GSE1: variants seen among roughly 807,000 people sequenced by gnomAD.
The protein encoded by GSE1 is Gse1 coiled-coil protein, also known as genetic suppressor element 1.
Under a neutral mutation model 112.6 loss-of-function variants are expected in GSE1, and 32 were observed. The ratio of observed to expected loss-of-function variants is 0.28; its 90% CI spans 0.21 to 0.38. The LOEUF is 0.38. Among genes scored for constraint, GSE1 ranks in the 10% least tolerant of loss-of-function variants. The probability of loss-of-function intolerance (pLI) is 1.00; values close to 1 mark genes in which losing one functional copy is unlikely to be tolerated. For missense variants in GSE1, 2,348 were observed against 1,699.2 expected, an observed-to-expected ratio of 1.38 and a Z score of -6.71; for synonymous variants, 1,115 against 735.6, an observed-to-expected ratio of 1.52 and a Z score of -8.35.
intron 2 of GSE1, among the ~76,000 whole-genome samples, chr16:85,512,464 G>A (rs372654871): frequency 4.4e-4 from 67 of 152,298 alleles, no homozygotes; most frequent in Non-Finnish European, 5.7e-4. Flanking sequence ...TGTGCCATCC[G>A]TCTGCCTGAT....
intron 13 of GSE1, among the ~76,000 whole-genome samples, chr16:85,666,778 C>G (rs1308171180): frequency 6.6e-6 from 1 of 152,262 alleles, no homozygotes; most frequent in African/African-American, 2.4e-5. Flanking sequence ...TAGAGCTTCC[C>G]TTCCTTCATG....
At chr16:85,401,493 C>T (rs1312505266) in intron 2 of GSE1, among the ~76,000 whole-genome samples, 2 of 152,128 alleles carry the variant, frequency 1.3e-5, no homozygotes, top group African/African-American at 4.8e-5. Flanking sequence ...CTTGGGGCAC[C>T]TCCCGCAAAG....
intron 2 of GSE1, among the ~76,000 whole-genome samples, chr16:85,464,779 CA>C (rs1408227336): frequency 6.6e-6 from 1 of 152,192 alleles, no homozygotes; most frequent in Non-Finnish European, 1.5e-5. Flanking sequence ...ACTTTGTTTC[CA>C]AAGGCCAGCT....
At chr16:85,430,440 A>G (rs1270273330) in intron 2 of GSE1, among the ~76,000 whole-genome samples, 2 of 152,204 alleles carry the variant, frequency 1.3e-5, no homozygotes, top group African/African-American at 2.4e-5. Context: ...GTAGGGCCAG[A>G]GCCAACTCCA....
chr16:85,533,700 C>T (rs2044216175), intron 2 of GSE1, among the ~76,000 whole-genome samples: 2 of 151,774 alleles, frequency 1.3e-5, no homozygotes, highest in South Asian at 4.2e-4. Context: ...CCCATCTCTA[C>T]AAAAAATTTT....
intron 2 of GSE1, among the ~76,000 whole-genome samples, chr16:85,501,469 C>T (rs945656324): frequency 1.3e-5 from 2 of 148,726 alleles, no homozygotes; most frequent in African/African-American, 5.0e-5. Context: ...TCATAGCTCA[C>T]TGCAGCTTCA....
chr16:85,622,420 T>C (rs1039318081), intron 1 of GSE1, among the ~76,000 whole-genome samples: 2 of 152,194 alleles, frequency 1.3e-5, no homozygotes, highest in African/African-American at 2.4e-5. Flanking sequence ...GCAGGTCATA[T>C]TGGGGAGGGT....
At chr16:85,510,925 C>A (rs535704768) in intron 2 of GSE1, among the ~76,000 whole-genome samples, 1 of 152,368 alleles carries the variant, frequency 6.6e-6, no homozygotes, top group South Asian at 2.1e-4. Context: ...AAGCAGCCAA[C>A]CTTGACCACT....
intron 3 of GSE1, among the ~76,000 whole-genome samples, chr16:85,649,302 G>T (rs772235838): frequency 1.3e-5 from 2 of 152,200 alleles, no homozygotes; most frequent in Non-Finnish European, 2.9e-5. Flanking sequence ...TGGCAGTCCA[G>T]TTCAAGCTGT....
chr16:85,369,476 C>T (rs1026427786), intron 2 of GSE1, among the ~76,000 whole-genome samples: 1 of 152,214 alleles, frequency 6.6e-6, no homozygotes, highest in African/African-American at 2.4e-5. Flanking sequence ...CAAAGCAGTC[C>T]TCAAGCTTCC....
At chr16:85,225,503 C>T (rs897453217) in intron 1 of GSE1, among the ~76,000 whole-genome samples, 1 of 152,208 alleles carries the variant, frequency 6.6e-6, no homozygotes, top group Non-Finnish European at 1.5e-5. Context: ...TTAGCTCACA[C>T]TCCGTGAGAA....
At chr16:85,287,218 G>C (rs2045058476) in intron 1 of GSE1, among the ~76,000 whole-genome samples, 1 of 152,246 alleles carries the variant, frequency 6.6e-6, no homozygotes, top group Non-Finnish European at 1.5e-5. Flanking sequence ...CCTGGAAACT[G>C]TGCAAGACGT....
intron 2 of GSE1, among the ~76,000 whole-genome samples, chr16:85,513,437 G>T (rs868445408): frequency 3.4e-4 from 51 of 152,202 alleles, no homozygotes; most frequent in African/African-American, 1.2e-3. Context: ...TTGAAACAGT[G>T]CCTAGAAGCA....
intron 1 of GSE1, among the ~76,000 whole-genome samples, chr16:85,345,292 T>A (rs563338300): frequency 6.6e-6 from 1 of 152,264 alleles, no homozygotes; most frequent in Middle Eastern, 3.4e-3. Flanking sequence ...GTAAATAAAG[T>A]TTTATTGGAA....
intron 1 of GSE1, among the ~76,000 whole-genome samples, chr16:85,312,206 G>GGAGT (rs1555559860): frequency 1.4e-5 from 2 of 141,396 alleles, no homozygotes; most frequent in Admixed American, 1.4e-4. Flanking sequence ...TCCTCTTGCG[G>GGAGT]GGGGGGGGGG....
At chr16:85,565,074 T>C (rs60127651) in intron 1 of GSE1, among the ~76,000 whole-genome samples, 9,895 of 151,828 alleles carry the variant, frequency 0.065, 1,039 homozygotes, top group African/African-American at 0.22. Context: ...CTGTTGTCAG[T>C]GAGTGGGAAC....
intron 2 of GSE1, among the ~76,000 whole-genome samples, chr16:85,448,034 G>T (rs528022899): frequency 6.6e-6 from 1 of 152,176 alleles, no homozygotes; most frequent in Non-Finnish European, 1.5e-5. Flanking sequence ...GGAAGGAAGC[G>T]TAGGGCACCT....
chr16:85,324,868 G>C (rs962796611), intron 1 of GSE1, among the ~76,000 whole-genome samples: 6 of 152,190 alleles, frequency 3.9e-5, no homozygotes, highest in African/African-American at 1.2e-4. Context: ...AAGAGTTCTG[G>C]AGTTAGTTGC....
At chr16:85,378,740 C>T (rs1012466880) in intron 2 of GSE1, among the ~76,000 whole-genome samples, 1 of 152,170 alleles carries the variant, frequency 6.6e-6, no homozygotes, top group African/African-American at 2.4e-5. Context: ...CTGGGCAGTG[C>T]CAGGAAGGCA....
Sources: allele counts gnomAD v4.1 joint callset (sites outside exome capture counted in the v4.1 genomes callset), GRCh38; gene constraint gnomAD v4.1.1; transcripts MANE v1.5; gene names NCBI Gene and HGNC (gene_info 2026-07-23, HGNC 2026-07-21).